CMTM3: variants seen among roughly 807,000 people sequenced by gnomAD.
CMTM3 encodes CKLF-like MARVEL transmembrane domain-containing protein 3.
CMTM3 carries 7 observed loss-of-function variants against 18.2 expected under a neutral mutation model. The ratio of observed to expected loss-of-function variants is 0.38; its 90% CI spans 0.22 to 0.72. CMTM3 has a LOEUF of 0.72. CMTM3 is among the 30% of genes least tolerant of loss of function. CMTM3 has a pLI of 0.46. For synonymous variants in CMTM3, 109 were observed against 111.2 expected (o/e 0.98, Z 0.12); for missense variants, 227 against 249.2 (o/e 0.91, Z 0.60).
chr16:66,613,083 C>T lies in CMTM3; in HGVS notation c.*446C>T, dbSNP rs565723932. On this transcript the variant is annotated 3_prime_UTR_variant, in exon 5 of 5. Transcript: ENST00000567572. ...CCAGGCCCCGGTGGGTTTGTCTGCA[C>T]TTGGTGCTCCTGCCCACACCAGCCA... 118 of 703,050 alleles carry T rather than the reference C, an allele frequency of 1.7e-4. 2 individuals carry two copies. In the South Asian group the frequency reaches 1.7e-3, roughly 10 times the overall value. 43.6% of individuals were successfully genotyped at this position (703,050 alleles called of 1,614,324 possible). A position where few individuals can be genotyped will look rare whatever the true frequency, so the allele number is the denominator to read the frequency against.
Position 66,613,235 on chromosome 16 carries a change from T to TAACCAA in CMTM3, c.*601_*602insCAAAAC. The TAACCAA allele has an allele frequency of 3.0e-6, 2 of 675,710 alleles. No homozygotes were observed. 41.9% of individuals were successfully genotyped at this position (675,710 alleles called of 1,614,324 possible). A position where few individuals can be genotyped will look rare whatever the true frequency, so the allele number is the denominator to read the frequency against. On this transcript the variant is annotated 3_prime_UTR_variant, in exon 5 of 5. Transcript: ENST00000567572. ...GGAAGTGGGGCTCGGCACCCATAAC[T>TAACCAA]AACACCTCCCACCCTTGGAAACCAT...
chr16:66,611,124 T>C (rs941778089), intron 4 of CMTM3: 18 of 373,434 alleles, frequency 4.8e-5, no homozygotes, highest in Non-Finnish European at 3.8e-5. Flanking sequence ...TAACAATTAT[T>C]TTGCTGTAAA....
At chr16:66,606,377 C>G (rs2015154453) in intron 1 of CMTM3, among the ~76,000 whole-genome samples, 1 of 152,138 alleles carries the variant, frequency 6.6e-6, no homozygotes, top group South Asian at 2.1e-4. Flanking sequence ...AGAGCTGGGT[C>G]AGTCCCATGG....
intron 1 of CMTM3, among the ~76,000 whole-genome samples, chr16:66,606,266 A>G (rs1004922532): frequency 6.6e-6 from 1 of 152,098 alleles, no homozygotes; most frequent in African/African-American, 2.4e-5. Context: ...AGAGAGAGGA[A>G]GTGGCCCCAG....
In CMTM3 at chr16:66,604,842, G is replaced by A. The variant is rs1256070272; in HGVS notation, c.37G>A (p.Glu13Lys). ...PPDPDPDPDPEPAGGSRPGPA... is the reference protein window; with the variant it reads ...PPDPDPDPDPKPAGGSRPGPA... The stretch of plus-strand genomic sequence containing the variant: ...AGACCCCGACCCCGACCCGGACCCC[G>A]AGCCTGCCGGCGGCTCCCGTCCCGG... Residue 13 changes from glutamate (E) to lysine (K), a missense_variant, in exon 1 of 5, where the codon GAG becomes AAG. Physicochemically the swap from Glu to Lys is moderately conservative, Grantham distance 56. Coordinates refer to ENST00000567572, the MANE Select transcript of CMTM3 (RefSeq NM_181553.4). 5.9e-6 allele frequency: 8 copies of A among 1,353,504 alleles called. No individual in the cohort carries two copies. Among genetic ancestry groups the A allele is most frequent in the South Asian group, 1.8e-5 (1 of 55,042 alleles). The allele number at this position is 1,353,504 out of a possible 1,614,324, so 83.8% of individuals were successfully genotyped here. A position where few individuals can be genotyped will look rare whatever the true frequency, so the allele number is the denominator to read the frequency against.
chr16:66,604,269 TG>T, upstream of CMTM3: 1 of 145,132 alleles, frequency 6.9e-6, no homozygotes, highest in Middle Eastern at 3.4e-3. Context: ...TGGAGGAGGG[TG>T]GGGCTGGCCG....
At position 66,605,515 on chromosome 16, in the gene CMTM3, T is replaced by TG. The variant is rs1201596665; in HGVS notation, c.147+567dup. ...CCGCCCTCGCCCCCACCCCGGCCGGTGGGGCTTCTTTGTCCTCTGGACACC... is the reference window on the plus strand; with the variant it reads ...CCGCCCTCGCCCCCACCCCGGCCGGTGGGGGCTTCTTTGTCCTCTGGACACC... On this transcript the variant is annotated intron_variant, in intron 1 of 4. Coordinates refer to ENST00000567572, the MANE Select transcript of CMTM3 (RefSeq NM_181553.4). The surrounding 1 kb of genome is among the most constrained non-coding windows in gnomAD (Gnocchi z 4.6). 1 of 152,140 alleles carries TG rather than the reference T, an allele frequency of 6.6e-6. No homozygotes were observed. The highest frequency in any genetic ancestry group is 1.5e-5 in the Non-Finnish European group (1 of 68,150). The allele number at this position is 152,140 out of a possible 1,614,324, so 9.4% of individuals were successfully genotyped here.
Position 66,609,815 on chromosome 16 carries a change from G to A in CMTM3, c.400-68G>A. 1 of 1,614,126 alleles carries A rather than the reference G, an allele frequency of 6.2e-7. No homozygotes were observed. Among genetic ancestry groups the A allele is most frequent in the South Asian group, 1.1e-5 (1 of 91,088 alleles). ...CAAGCAGATCTGAAATGGGCCGTGA[G>A]GCTGGGGCAGCAGCCTCCCGGAGCA... is the stretch of plus-strand genomic sequence containing the variant. On this transcript the variant is annotated intron_variant, in intron 3 of 4. Coordinates refer to ENST00000567572, the MANE Select transcript of CMTM3 (RefSeq NM_181553.4). This position sits in a 1 kb window ranked among gnomAD's most constrained non-coding sequence, Gnocchi z 4.4.
chr16:66,604,996 G>A, intron 1 of CMTM3, 44 bp downstream of exon 1: 2 of 1,414,764 alleles, frequency 1.4e-6, no homozygotes, highest in Non-Finnish European at 9.2e-7. Flanking sequence ...GGACTGCGCG[G>A]CTCCTTTCGG....
intron 1 of CMTM3, among the ~76,000 whole-genome samples, chr16:66,607,489 A>G (rs989348176): frequency 2.6e-5 from 4 of 152,230 alleles, no homozygotes; most frequent in African/African-American, 9.6e-5. Context: ...CTATCTGTCC[A>G]TCAAGGCATT....
rs968808996 is a variant in CMTM3 at position 66,604,850 on chromosome 16, C to T, written c.45C>T (p.Ala15=). 4.9e-5 allele frequency: 67 copies of T among 1,365,826 alleles called. No homozygotes were observed. Among genetic ancestry groups the T allele is most frequent in the Non-Finnish European group, 5.9e-5 (63 of 1,064,962 alleles). The allele number at this position is 1,365,826 out of a possible 1,614,324, so 84.6% of individuals were successfully genotyped here. ...DPDPDPDPEP[A]GGSRPGPAVP... ...ACCCCGACCCGGACCCCGAGCCTGC[C>T]GGCGGCTCCCGTCCCGGCCCCGCGG... Residue 15 remains alanine (A), a synonymous_variant, in exon 1 of 5, where the codon GCC becomes GCT. Transcript: ENST00000567572.
chr16:66,611,456 A>G (rs1475153285), intron 4 of CMTM3, among the ~76,000 whole-genome samples: 1 of 152,062 alleles, frequency 6.6e-6, no homozygotes, highest in African/African-American at 2.4e-5. Flanking sequence ...CTCGGGGGGA[A>G]AAAATTGAAT....
In CMTM3 at chr16:66,610,089, G is replaced by A; in HGVS notation, c.520+86G>A. 1 of 1,544,322 alleles carries A rather than the reference G, an allele frequency of 6.5e-7. No homozygotes were observed. The highest frequency in any genetic ancestry group is 8.9e-7 in the Non-Finnish European group (1 of 1,129,688). ...ATGCCAGCTAGTTTGAGGCTGGGGT[G>A]GGATCATTTCCTCTCTCCCCATGGC... On this transcript the variant is annotated intron_variant, in intron 4 of 4. Transcript: ENST00000567572. This position sits in a 1 kb window ranked among gnomAD's most constrained non-coding sequence, Gnocchi z 4.6.
At chr16:66,604,996 G>C in intron 1 of CMTM3, 44 bp downstream of exon 1, 2 of 1,414,766 alleles carry the variant, frequency 1.4e-6, no homozygotes, top group Non-Finnish European at 1.8e-6. Context: ...GGACTGCGCG[G>C]CTCCTTTCGG....
intron 1 of CMTM3, among the ~76,000 whole-genome samples, chr16:66,607,405 T>C (rs2015197745): frequency 6.6e-6 from 1 of 152,256 alleles, no homozygotes; most frequent in Non-Finnish European, 1.5e-5. Flanking sequence ...ACGCACCCTC[T>C]GTTAGATGTT....
rs1043479325 is a variant in CMTM3, at chr16:66,609,766, TGCCTGACACTCGG to T, written c.400-114_400-102del. On this transcript the variant is annotated intron_variant, in intron 3 of 4. Coordinates refer to ENST00000567572, the MANE Select transcript of CMTM3 (RefSeq NM_181553.4). This position sits in a 1 kb window ranked among gnomAD's most constrained non-coding sequence, Gnocchi z 4.4. ...CACTTCCGTTACTCACAGGGGTCTG[TGCCTGACACTCGG>T]GCTGTTTGTCCAAGCAGATCTGAAA... is the stretch of plus-strand genomic sequence containing the variant. The T allele has an allele frequency of 3.1e-6, 5 of 1,601,572 alleles. No individual in the cohort carries two copies. The African/African-American group carries it at 6.7e-5, about 21-fold the overall frequency.
In CMTM3 at chr16:66,612,927, G is replaced by A; in HGVS notation, c.*290G>A. On this transcript the variant is annotated 3_prime_UTR_variant, in exon 5 of 5. Transcript: ENST00000567572. This position sits in a 1 kb window ranked among gnomAD's most constrained non-coding sequence, Gnocchi z 6.0. ...CCTTTAACGTCTCTGCCAAAAACCA[G>A]CACAAGGAGACAAAGCAGAGCCTTG... 1 of 631,556 alleles carries A rather than the reference G, an allele frequency of 1.6e-6. No individual in the cohort carries two copies. The highest frequency in any genetic ancestry group is 2.5e-5 in the Admixed American group (1 of 39,244). The allele number at this position is 631,556 out of a possible 1,614,324, so 39.1% of individuals were successfully genotyped here. A position where few individuals can be genotyped will look rare whatever the true frequency, so the allele number is the denominator to read the frequency against.
rs71392154 is a variant in CMTM3, at chr16:66,609,588, G to C, written c.399+58G>C. ...AGATGCCCCTCTAGCCCCTCATTTA[G>C]GGTGGGACCTGGGGCAGAGCCTTTC... is the stretch of plus-strand genomic sequence containing the variant. On this transcript the variant is annotated intron_variant, in intron 3 of 4. Coordinates refer to ENST00000567572, the MANE Select transcript of CMTM3 (RefSeq NM_181553.4). The surrounding 1 kb of genome is among the most constrained non-coding windows in gnomAD (Gnocchi z 4.4). 4.9e-5 allele frequency: 76 copies of C among 1,535,858 alleles called. No individual in the cohort carries two copies. Among genetic ancestry groups the C allele is most frequent in the African/African-American group, 3.0e-4 (22 of 73,000 alleles).
In CMTM3 at chr16:66,612,737, T is replaced by C. The variant is rs2015429290; in HGVS notation, c.*100T>C. ...GGAGCGGAGGCCTGGACTTCTGAGTTGCAGAGGGGGCTGCGGACACAGCAG... is the reference window on the plus strand; with the variant it reads ...GGAGCGGAGGCCTGGACTTCTGAGTCGCAGAGGGGGCTGCGGACACAGCAG... On this transcript the variant is annotated 3_prime_UTR_variant, in exon 5 of 5. Transcript: ENST00000567572. The surrounding 1 kb of genome is among the most constrained non-coding windows in gnomAD (Gnocchi z 6.0). 8.3e-7 allele frequency: 1 copy of C among 1,205,582 alleles called. No homozygotes were observed. Among genetic ancestry groups the C allele is most frequent in the Non-Finnish European group, 1.2e-6 (1 of 829,854 alleles). The allele number at this position is 1,205,582 out of a possible 1,614,324, so 74.7% of individuals were successfully genotyped here.
Sources: allele counts gnomAD v4.1 joint callset (sites outside exome capture counted in the v4.1 genomes callset), GRCh38; gene constraint gnomAD v4.1.1; non-coding constraint Gnocchi (gnomAD v3.1); transcripts MANE v1.5; gene names NCBI Gene and HGNC (gene_info 2026-07-23, HGNC 2026-07-21).